The following SLC9A9 variants were observed in gnomAD, a reference collection of about 807,000 sequenced individuals.
SLC9A9 encodes solute carrier family 9 member A9, also known as sodium/hydrogen exchanger 9.
Under a neutral mutation model 77.8 loss-of-function variants are expected in SLC9A9, and 62 were observed. The observed-to-expected ratio is 0.80, with a 90% confidence interval of 0.65 to 0.98. The LOEUF (loss-of-function observed/expected upper bound fraction) is 0.98. Ranked by LOEUF, SLC9A9 falls within the 50% of genes least tolerant of loss-of-function variation. The pLI, the probability that SLC9A9 is intolerant of heterozygous loss-of-function variation, is 0.00. For synonymous variants in SLC9A9, 320 were observed against 283.5 expected (o/e 1.13, Z -1.29); for missense variants, 775 against 774.9 (o/e 1.00, Z 0.00).
intron 2 of SLC9A9, among the ~76,000 whole-genome samples, chr3:143,822,484 G>C (rs1307401979): frequency 6.6e-6 from 1 of 152,160 alleles, no homozygotes; most frequent in East Asian, 1.9e-4. Flanking sequence ...CATAACTCCA[G>C]GCAAGCTTAA....
chr3:143,320,410 G>T (rs1031707961), intron 14 of SLC9A9, among the ~76,000 whole-genome samples: 1 of 152,210 alleles, frequency 6.6e-6, no homozygotes, highest in Non-Finnish European at 1.5e-5. Flanking sequence ...AAATACCTGA[G>T]GCTGGGTGAC....
intron 8 of SLC9A9, among the ~76,000 whole-genome samples, chr3:143,571,148 C>T (rs1404717673): frequency 6.6e-6 from 1 of 152,080 alleles, no homozygotes; most frequent in Non-Finnish European, 1.5e-5. Context: ...GGGAATTCTG[C>T]TGAGAAATCA....
intron 6 of SLC9A9, among the ~76,000 whole-genome samples, chr3:143,644,770 T>C (rs892092548): frequency 6.6e-6 from 1 of 152,166 alleles, no homozygotes; most frequent in Non-Finnish European, 1.5e-5. Context: ...ATAACTTTTT[T>C]TTTTTTTAAT....
chr3:143,288,589 G>T, intron 14 of SLC9A9, among the ~76,000 whole-genome samples: 1 of 152,136 alleles, frequency 6.6e-6, no homozygotes, highest in Non-Finnish European at 1.5e-5. Flanking sequence ...TGACCCAGCT[G>T]GTTGTAGGTA....
chr3:143,641,437 G>C (rs941148361), intron 6 of SLC9A9, among the ~76,000 whole-genome samples: 1 of 127,880 alleles, frequency 7.8e-6, no homozygotes, highest in Admixed American at 9.3e-5. Context: ...TGTTGCCTAG[G>C]CAACAGAGTG....
At chr3:143,452,754 G>A (rs1231432749) in intron 12 of SLC9A9, among the ~76,000 whole-genome samples, 2 of 151,200 alleles carry the variant, frequency 1.3e-5, no homozygotes, top group African/African-American at 2.4e-5. Context: ...GTGCAATAAC[G>A]GTACTTTGGT....
At chr3:143,604,797 C>T (rs957611495) in intron 6 of SLC9A9, among the ~76,000 whole-genome samples, 2 of 152,170 alleles carry the variant, frequency 1.3e-5, no homozygotes, top group African/African-American at 2.4e-5. Context: ...TAACAGTTTA[C>T]AGTACTCCCA....
intron 14 of SLC9A9, among the ~76,000 whole-genome samples, chr3:143,299,917 A>G (rs1266785629): frequency 6.6e-6 from 1 of 152,238 alleles, no homozygotes; most frequent in Non-Finnish European, 1.5e-5. Context: ...CTTAAACTTT[A>G]GAAGACACAG....
At chr3:143,826,994 C>T (rs2009316985) in intron 2 of SLC9A9, among the ~76,000 whole-genome samples, 1 of 152,098 alleles carries the variant, frequency 6.6e-6, no homozygotes, top group South Asian at 2.1e-4. Flanking sequence ...TCCTTGGGAC[C>T]ACATCTTGTT....
At chr3:143,579,871 T>C (rs752401422) in intron 6 of SLC9A9, among the ~76,000 whole-genome samples, 3 of 152,180 alleles carry the variant, frequency 2.0e-5, no homozygotes, top group Non-Finnish European at 4.4e-5. Flanking sequence ...GGGAACCAAC[T>C]CCAATGCTTC....
At chr3:143,720,605 C>T (rs1412814729) in intron 4 of SLC9A9, among the ~76,000 whole-genome samples, 1 of 152,124 alleles carries the variant, frequency 6.6e-6, no homozygotes, top group Non-Finnish European at 1.5e-5. Context: ...GTCTCCTAGG[C>T]CTGTGGTGTC....
intron 14 of SLC9A9, among the ~76,000 whole-genome samples, chr3:143,334,860 A>C (rs765362173): frequency 6.6e-6 from 1 of 152,176 alleles, no homozygotes; most frequent in Admixed American, 6.5e-5. Flanking sequence ...TTCCAAATAA[A>C]ATCATGTTTA....
At chr3:143,545,690 T>G (rs2036775389) in intron 9 of SLC9A9, among the ~76,000 whole-genome samples, 1 of 152,206 alleles carries the variant, frequency 6.6e-6, no homozygotes, top group South Asian at 2.1e-4. Context: ...GCTGAGAGTT[T>G]TTCCAGGAAG....
chr3:143,445,501 G>C (rs1032713817), intron 12 of SLC9A9, among the ~76,000 whole-genome samples: 3 of 152,180 alleles, frequency 2.0e-5, no homozygotes, highest in Non-Finnish European at 4.4e-5. Context: ...TCTGCTACAA[G>C]AGAATAGCAT....
intron 9 of SLC9A9, among the ~76,000 whole-genome samples, chr3:143,547,965 C>T (rs1473825009): frequency 6.6e-6 from 1 of 152,066 alleles, no homozygotes; most frequent in African/African-American, 2.4e-5. Flanking sequence ...AAAGTAGGCT[C>T]TCAAAAAAAA....
chr3:143,432,461 C>T (rs1037714872), intron 12 of SLC9A9, among the ~76,000 whole-genome samples: 4 of 152,104 alleles, frequency 2.6e-5, no homozygotes, highest in African/African-American at 9.7e-5. Flanking sequence ...TTCTGAAAAA[C>T]TATCTCATTA....
At chr3:143,825,150 G>T (rs1321605536) in intron 2 of SLC9A9, among the ~76,000 whole-genome samples, 1 of 144,354 alleles carries the variant, frequency 6.9e-6, no homozygotes, top group Non-Finnish European at 1.6e-5. Flanking sequence ...GCCTAGAAAA[G>T]TTTCTTAAAA....
intron 9 of SLC9A9, among the ~76,000 whole-genome samples, chr3:143,511,191 A>C (rs915376684): frequency 1.3e-5 from 2 of 152,192 alleles, no homozygotes; most frequent in Non-Finnish European, 2.9e-5. Context: ...GATCACCCCA[A>C]AACAGTCAAG....
chr3:143,414,970 A>G (rs1031904093), intron 12 of SLC9A9, among the ~76,000 whole-genome samples: 8 of 152,232 alleles, frequency 5.3e-5, no homozygotes, highest in Admixed American at 2.0e-4. Context: ...GAACACACCG[A>G]TGGCAAGAAA....
Sources: allele counts gnomAD v4.1 joint callset (sites outside exome capture counted in the v4.1 genomes callset), GRCh38; gene constraint gnomAD v4.1.1; transcripts MANE v1.5; gene names NCBI Gene and HGNC (gene_info 2026-07-23, HGNC 2026-07-21).